The following ERC1 variants were observed in gnomAD, a reference collection of about 807,000 sequenced individuals.
The protein encoded by ERC1 is ELKS/RAB6-interacting/CAST family member 1, also known as RAB6 interacting protein 2.
In ERC1, 56 loss-of-function variants were observed where a neutral mutation model predicts 132.0. The observed-to-expected ratio is 0.42, with a 90% CI of 0.34 to 0.53. The LOEUF is 0.53. ERC1 is among the 20% of genes least tolerant of loss of function. The pLI, the probability that ERC1 is intolerant of heterozygous loss-of-function variation, is 0.03. For missense variants in ERC1, 1,202 were observed against 1,349.9 expected (o/e 0.89, Z 1.72); for synonymous variants, 478 against 476.1 (o/e 1.00, Z -0.05).
intron 8 of ERC1, among the ~76,000 whole-genome samples, chr12:1,180,324 T>G (rs1163759691): frequency 6.6e-6 from 1 of 151,904 alleles, no homozygotes; most frequent in Non-Finnish European, 1.5e-5. Flanking sequence ...TGTGTACTTT[T>G]TTTTGTTTTG....
At chr12:1,462,351 A>T (rs140595460) in intron 18 of ERC1, among the ~76,000 whole-genome samples, 4 of 152,360 alleles carry the variant, frequency 2.6e-5, no homozygotes, top group Admixed American at 6.5e-5. Flanking sequence ...AAATGAAAGC[A>T]TATGTCCACA....
chr12:1,480,781 G>T (rs993814404), intron 18 of ERC1: 3 of 701,656 alleles, frequency 4.3e-6, no homozygotes, highest in African/African-American at 1.7e-5. Context: ...AGAATATCTC[G>T]AGTAATACCT....
chr12:1,420,093 ACTGTTCTTC>A (rs1471684940), intron 17 of ERC1, among the ~76,000 whole-genome samples: 3 of 152,122 alleles, frequency 2.0e-5, no homozygotes, highest in African/African-American at 7.2e-5. Flanking sequence ...AAAGCATGAC[ACTGTTCTTC>A]CTTGATTTGA....
intron 17 of ERC1, among the ~76,000 whole-genome samples, chr12:1,418,621 TTCTTTCTTTCTTTCTTTCTTTCTCTC>T (rs2092265218): frequency 8.4e-6 from 1 of 118,660 alleles, no homozygotes; most frequent in Non-Finnish European, 1.6e-5. Context: ...CTTTCTTTCT[TTCTTTCTTTCTTTCTTTCTTTCTCTC>T]TCTCTCTCTC....
At chr12:1,172,331 G>A (rs1384059197) in intron 8 of ERC1, among the ~76,000 whole-genome samples, 1 of 152,074 alleles carries the variant, frequency 6.6e-6, no homozygotes, top group Non-Finnish European at 1.5e-5. Flanking sequence ...GGCTGGGTGT[G>A]GTGGCATGCA....
intron 2 of ERC1, among the ~76,000 whole-genome samples, chr12:1,070,563 G>A (rs1940159057): frequency 6.6e-6 from 1 of 152,060 alleles, no homozygotes; most frequent in Non-Finnish European, 1.5e-5. Context: ...TGGGATTATA[G>A]GTGTGAGCCA....
chr12:1,056,339 C>T (rs1421774283), intron 2 of ERC1, among the ~76,000 whole-genome samples: 4 of 152,122 alleles, frequency 2.6e-5, no homozygotes, highest in Non-Finnish European at 2.9e-5. Context: ...TGTTGTCTCA[C>T]GGCCATGGAA....
intron 2 of ERC1, among the ~76,000 whole-genome samples, chr12:1,039,102 C>G (rs1018465249): frequency 1.3e-5 from 2 of 151,492 alleles, no homozygotes; most frequent in African/African-American, 4.9e-5. Flanking sequence ...TTTGGGAGGC[C>G]GAGGCTGGCG....
intron 17 of ERC1, among the ~76,000 whole-genome samples, chr12:1,437,155 G>A (rs2092972967): frequency 6.6e-6 from 1 of 152,194 alleles, no homozygotes; most frequent in Non-Finnish European, 1.5e-5. Context: ...ATTTCTGAGT[G>A]CAGCAGTAAG....
At chr12:1,300,606 A>C (rs2080312234) in intron 15 of ERC1, among the ~76,000 whole-genome samples, 1 of 151,570 alleles carries the variant, frequency 6.6e-6, no homozygotes, top group Non-Finnish European at 1.5e-5. Context: ...ACAAATTTAC[A>C]AGAAAAAAAC....
rs557497279 is a variant in ERC1, at chr12:1,366,136, G to A, written c.2781-5697G>A. Reference sequence around the variant, plus strand: ...ATGAAGAGAGTTCTGGAGGTTGGTCGCAGAACAATCTAAATGTACTTTACT... The same window carrying A: ...ATGAAGAGAGTTCTGGAGGTTGGTCACAGAACAATCTAAATGTACTTTACT... On this transcript the variant is annotated intron_variant, in intron 15 of 18. Coordinates refer to ENST00000360905, the MANE Select transcript of ERC1 (RefSeq NM_178040.4). Among the ~76,000 whole-genome samples, 126 of 152,194 alleles carry A rather than the reference G, an allele frequency of 8.3e-4. 1 individual carries two copies. The highest frequency in any genetic ancestry group is 2.9e-3 in the African/African-American group (121 of 41,524).
intron 2 of ERC1, among the ~76,000 whole-genome samples, chr12:1,035,678 T>C (rs1199352084): frequency 6.6e-6 from 1 of 152,078 alleles, no homozygotes; most frequent in Non-Finnish European, 1.5e-5. Context: ...ATCCCAGCAC[T>C]TTGGGAGGCT....
At chr12:1,324,529 A>G (rs74057131) in intron 15 of ERC1, among the ~76,000 whole-genome samples, 2,764 of 152,310 alleles carry the variant, frequency 0.018, 89 homozygotes, top group African/African-American at 0.064. Flanking sequence ...TCAGTCTCAG[A>G]GACGGTCACT....
chr12:1,463,118 C>T (rs2093674199), intron 18 of ERC1, among the ~76,000 whole-genome samples: 1 of 152,096 alleles, frequency 6.6e-6, no homozygotes, highest in Non-Finnish European at 1.5e-5. Flanking sequence ...GACTTATCCT[C>T]TCCTTGGATT....
At chr12:1,262,128 C>A (rs2077181970) in intron 13 of ERC1, among the ~76,000 whole-genome samples, 2 of 152,188 alleles carry the variant, frequency 1.3e-5, no homozygotes, top group African/African-American at 4.8e-5. Flanking sequence ...TTTAGCAAAT[C>A]TTGCTCTTTT....
intron 8 of ERC1, among the ~76,000 whole-genome samples, chr12:1,168,748 A>C (rs541431580): frequency 6.6e-6 from 1 of 152,174 alleles, no homozygotes; most frequent in Non-Finnish European, 1.5e-5. Flanking sequence ...CGGCCTCCCA[A>C]AGTGCTGAGA....
At chr12:1,050,299 G>A (rs1971722827) in intron 2 of ERC1, among the ~76,000 whole-genome samples, 1 of 152,212 alleles carries the variant, frequency 6.6e-6, no homozygotes, top group Non-Finnish European at 1.5e-5. Context: ...GACCCAGGAG[G>A]TGTGAGACAG....
intron 17 of ERC1, among the ~76,000 whole-genome samples, chr12:1,424,864 C>CGATA (rs57661979): frequency 0.058 from 5,714 of 98,804 alleles, 303 homozygotes; most frequent in Middle Eastern, 0.068. Context: ...ATAGATAGAT[C>CGATA]GATAGATAGA....
intron 8 of ERC1, among the ~76,000 whole-genome samples, chr12:1,146,780 C>CG (rs1950417127): frequency 6.6e-6 from 1 of 151,210 alleles, no homozygotes; most frequent in Non-Finnish European, 1.5e-5. Flanking sequence ...CCCCAACCCC[C>CG]ACCCCACAAC....
Sources: allele counts gnomAD v4.1 joint callset (sites outside exome capture counted in the v4.1 genomes callset), GRCh38; gene constraint gnomAD v4.1.1; transcripts MANE v1.5; gene names NCBI Gene and HGNC (gene_info 2026-07-23, HGNC 2026-07-21).